HSPG2: variants seen among roughly 807,000 people sequenced by gnomAD.
HSPG2 encodes heparan sulfate proteoglycan 2.
A neutral mutation model predicts 526.6 loss-of-function variants in HSPG2; 278 were observed. That is an observed-to-expected ratio of 0.53 (90% confidence interval 0.48 to 0.58). The LOEUF (loss-of-function observed/expected upper bound fraction) is 0.58. HSPG2 is among the 20% of genes least tolerant of loss of function. The probability of loss-of-function intolerance (pLI) is 0.00; values close to 1 mark genes in which losing one functional copy is unlikely to be tolerated. For missense variants in HSPG2, 5,354 were observed against 6,099.5 expected (o/e 0.88, Z 4.07); for synonymous variants, 2,465 against 2,555.4 (o/e 0.96, Z 1.07).
chr1:21,880,071 TATTTTAGTGTTC>T, intron 17 of HSPG2, 24 bp downstream of exon 17: 1 of 1,612,300 alleles, frequency 6.2e-7, no homozygotes, highest in Non-Finnish European at 8.5e-7. Context: ...TCCCTTCTCC[TATTTTAGTGTTC>T]AAGTGTCTGC....
At chr1:21,896,346 C>T (rs775460428) in intron 1 of HSPG2, 36 bp from the exon 2 acceptor site, 2 of 1,607,382 alleles carry the variant, frequency 1.2e-6, no homozygotes, top group East Asian at 4.5e-5. Context: ...GTCACTCTCT[C>T]CAGCTCCCAC....
At position 21,884,895 on chromosome 1, in the gene HSPG2, C is replaced by A. The variant is rs777415729; in HGVS notation, c.1379G>T (p.Gly460Val). The A allele has an allele frequency of 1.3e-5, 21 of 1,613,996 alleles. No individual in the cohort carries two copies. Among genetic ancestry groups the A allele is most frequent in the Non-Finnish European group, 1.8e-5 (21 of 1,180,022 alleles). Residue 460 changes from glycine (G) to valine (V), a missense_variant, in exon 12 of 97, where the codon GGC becomes GTC. Coordinates refer to ENST00000374695, the MANE Select transcript of HSPG2 (RefSeq NM_005529.7). ...HPRVTVTSEGGRGTLIIRDVK... is the reference protein window; with the variant it reads ...HPRVTVTSEGVRGTLIIRDVK... ...ATCACGGATGATCAGTGTGCCACGG[C>A]CACCCTCGCTGGTCACTGTCACCCT...
Position 21,864,403 on chromosome 1 carries a change from C to T in HSPG2, c.4627-190G>A, listed in dbSNP as rs1410721998. Among the ~76,000 whole-genome samples the T allele has an allele frequency of 6.6e-6, 1 of 152,200 alleles. No homozygotes were observed. Among genetic ancestry groups the T allele is most frequent in the African/African-American group, 2.4e-5 (1 of 41,458 alleles). ...CCCTCTCCCAGTCCACACTGTTCAC[C>T]TCTGGGAGGCATCTCTATGCTGTGC... On this transcript the variant is annotated intron_variant, in intron 36 of 96. Coordinates refer to ENST00000374695, the MANE Select transcript of HSPG2 (RefSeq NM_005529.7). This position sits in a 1 kb window ranked among gnomAD's most constrained non-coding sequence, Gnocchi z 4.8.
intron 69 of HSPG2, 65 bp downstream of exon 69, chr1:21,841,937 A>C: frequency 6.3e-7 from 1 of 1,582,930 alleles, no homozygotes; most frequent in Admixed American, 1.7e-5. Flanking sequence ...ACCCTTGCAC[A>C]GTGGGGATGA....
rs766063621 is a variant in HSPG2, at chr1:21,831,313, C to T, written c.11464G>A (p.Glu3822Lys). The T allele has an allele frequency of 6.2e-7, 1 of 1,614,042 alleles. No individual in the cohort carries two copies. The highest frequency in any genetic ancestry group is 1.3e-5 in the African/African-American group (1 of 75,030). Residue 3822 changes from glutamate to lysine, a missense_variant, in exon 84 of 97, where the codon GAG (glutamate) becomes AAG (lysine). Physicochemically the swap from Glu to Lys is moderately conservative, Grantham distance 56. Transcript: ENST00000374695. Reference sequence around the variant, plus strand: ...ATCTCCTCGCCCTGGATGCGCAGCTCCCGGACACAGCCTGGGAGGTGAGTG... The same window carrying T: ...ATCTCCTCGCCCTGGATGCGCAGCTTCCGGACACAGCCTGGGAGGTGAGTG... ...LSSGFIGCVR[E>K]LRIQGEEIVF...
chr1:21,884,216 C>G (rs150596124), intron 13 of HSPG2, among the ~76,000 whole-genome samples: 9 of 152,126 alleles, frequency 5.9e-5, no homozygotes, highest in African/African-American at 2.2e-4. Context: ...GAAACAGACA[C>G]GAGATAGTGG....
rs755663843 is a variant in HSPG2 at position 21,841,528 on chromosome 1, C to T, written c.9328+11G>A. 7.4e-6 allele frequency: 12 copies of T among 1,614,078 alleles called. No individual in the cohort carries two copies. The highest frequency in any genetic ancestry group is 4.5e-5 in the East Asian group (2 of 44,900). ...ACAGGGCAGAGCCCCACAGGGTCAA[C>T]GTCCCCTCACCGTGCACACTGAGGT... On this transcript the variant is annotated intron_variant, in intron 70 of 96. Transcript: ENST00000374695.
chr1:21,855,876 T>C lies in HSPG2; in HGVS notation c.5612A>G (p.His1871Arg). 6.2e-7 allele frequency: 1 copy of C among 1,612,278 alleles called. No individual in the cohort carries two copies. The highest frequency in any genetic ancestry group is 8.5e-7 in the Non-Finnish European group (1 of 1,179,980). The change falls in exon 45 of 97, where the codon CAT (histidine) becomes CGT (arginine). Residue 1871 changes from histidine (H) to arginine (R), a missense_variant. By Grantham distance (29) the His-to-Arg change is conservative. Coordinates refer to ENST00000374695, the MANE Select transcript of HSPG2 (RefSeq NM_005529.7). ...GGGCTGCACTGTGAGCTGTGGCGGATGGATGGAGACCACGGGGGCGGACAA... is the reference window on the plus strand; with the variant it reads ...GGGCTGCACTGTGAGCTGTGGCGGACGGATGGAGACCACGGGGGCGGACAA... ...GTLSAPVVSI[H>R]PPQLTVQPGQ...
rs200530072 is a variant in HSPG2, at chr1:21,914,365, CA to C, written c.64-18056del. On this transcript the variant is annotated intron_variant, in intron 1 of 96. Coordinates refer to ENST00000374695, the MANE Select transcript of HSPG2 (RefSeq NM_005529.7). ...AGGAAGAGCACCCAGGCACCAGGAGCAGCATCTATAAAGACCCCAGAGGCAG... is the reference window on the plus strand; with the variant it reads ...AGGAAGAGCACCCAGGCACCAGGAGCGCATCTATAAAGACCCCAGAGGCAG... Among the ~76,000 whole-genome samples, 1,127 of 151,886 alleles carry C rather than the reference CA, an allele frequency of 7.4e-3. 14 individuals carry two copies. The highest frequency in any genetic ancestry group is 0.026 in the African/African-American group (1,059 of 41,434).
chr1:21,880,897 G>A lies in HSPG2; in HGVS notation c.1819-62C>T, dbSNP rs901740278. ...GGCACACTTGACACCTCGTGCCTAT[G>A]AGGTGCCTATAGTCTTCCAGCTCCT... On this transcript the variant is annotated intron_variant, in intron 14 of 96. Coordinates refer to ENST00000374695, the MANE Select transcript of HSPG2 (RefSeq NM_005529.7). 29 of 1,483,864 alleles carry A rather than the reference G, an allele frequency of 2.0e-5. No individual in the cohort carries two copies. The African/African-American group carries it at 3.9e-4, about 20-fold the overall frequency. 91.9% of individuals were successfully genotyped at this position (1,483,864 alleles called of 1,614,324 possible). A position where few individuals can be genotyped will look rare whatever the true frequency, so the allele number is the denominator to read the frequency against.
intron 1 of HSPG2, among the ~76,000 whole-genome samples, chr1:21,931,985 G>C (rs1256825932): frequency 6.6e-6 from 1 of 152,162 alleles, no homozygotes; most frequent in African/African-American, 2.4e-5. Flanking sequence ...AAAGTCCCTG[G>C]ATAAATTCAA....
rs1239293066 is a variant in HSPG2 at position 21,853,755 on chromosome 1, ATAAAAT to A, written c.6439+432_6439+437del. 1.1e-3 allele frequency: 151 copies of A among 143,248 alleles called. 4 individuals are homozygous for A. Among genetic ancestry groups the A allele is most frequent in the South Asian group, 3.6e-3 (23 of 6,446 alleles). 8.9% of individuals were successfully genotyped at this position (143,248 alleles called of 1,614,324 possible). A position where few individuals can be genotyped will look rare whatever the true frequency, so the allele number is the denominator to read the frequency against. ...CAGAGCGAGACTCTCTCTCAAAAAA[ATAAAAT>A]AAAATAAAATAAAATAAAATAAAAT... is the stretch of plus-strand genomic sequence containing the variant. On this transcript the variant is annotated intron_variant, in intron 50 of 96. Coordinates refer to ENST00000374695, the MANE Select transcript of HSPG2 (RefSeq NM_005529.7).
intron 39 of HSPG2, among the ~76,000 whole-genome samples, chr1:21,861,089 A>G (rs1449324696): frequency 6.6e-6 from 1 of 152,186 alleles, no homozygotes; most frequent in Non-Finnish European, 1.5e-5. Context: ...ACATTTGCAC[A>G]ATTACTTTTT....
In HSPG2 at chr1:21,859,964, G is replaced by A. The variant is rs751582430; in HGVS notation, c.5053C>T (p.Arg1685Ter). 3.7e-6 allele frequency: 6 copies of A among 1,610,974 alleles called. No homozygotes were observed. The highest frequency in any genetic ancestry group is 1.7e-5 in the Admixed American group (1 of 59,872). Reference sequence around the variant, plus strand: ...GAGCCACCTTGGGGCACTATGCTTCGAGCAGGATGGACCTCGACCACCAGT... The same window carrying A: ...GAGCCACCTTGGGGCACTATGCTTCAAGCAGGATGGACCTCGACCACCAGT... ...APLVVEVHPA[R>*]SIVPQGGSHS... is the part of the protein sequence containing the mutation. The change falls in exon 41 of 97, where the codon CGA becomes TGA. Residue 1685 changes from arginine to a stop codon, truncating the protein, a stop_gained. Transcript: ENST00000374695. LOFTEE classifies it high-confidence loss of function. The surrounding 1 kb of genome is among the most constrained non-coding windows in gnomAD (Gnocchi z 5.3).
chr1:21,831,573 G>A lies in HSPG2; in HGVS notation c.11353-11C>T, dbSNP rs2098004060. The A allele has an allele frequency of 9.9e-6, 16 of 1,613,856 alleles. No individual in the cohort carries two copies. Among genetic ancestry groups the A allele is most frequent in the African/African-American group, 2.7e-5 (2 of 74,898 alleles). On this transcript the variant is annotated splice_polypyrimidine_tract_variant and intron_variant, in intron 82 of 96. Transcript: ENST00000374695. ...GCCCTGGAACTTGCCCTGGGGAGGTGGGGAAGTCAGGAATGGCAACAGAGG... is the reference window on the plus strand; with the variant it reads ...GCCCTGGAACTTGCCCTGGGGAGGTAGGGAAGTCAGGAATGGCAACAGAGG...
At chr1:21,835,720 AC>A in intron 75 of HSPG2, 83 bp from the exon 76 acceptor site, 1 of 1,036,440 alleles carries the variant, frequency 9.6e-7, no homozygotes, top group South Asian at 1.3e-5. Flanking sequence ...GTGGTGGCTC[AC>A]GCCTGTAATC....
At position 21,856,143 on chromosome 1, in the gene HSPG2, G is replaced by C. The variant is rs72866975; in HGVS notation, c.5576-231C>G. Among the ~76,000 whole-genome samples the C allele has an allele frequency of 8.7e-4, 132 of 152,128 alleles. 2 individuals carry two copies. Among genetic ancestry groups the C allele is most frequent in the African/African-American group, 3.1e-3 (128 of 41,492 alleles). ...GAATAAAATCCAAAATTCCTACCCT[G>C]ATCCACCACATACTCCATGCTCTCC... On this transcript the variant is annotated intron_variant, in intron 44 of 96. Coordinates refer to ENST00000374695, the MANE Select transcript of HSPG2 (RefSeq NM_005529.7).
intron 33 of HSPG2, chr1:21,869,390 G>T: frequency 2.1e-6 from 2 of 958,538 alleles, no homozygotes; most frequent in Non-Finnish European, 2.5e-6. Context: ...AGAAATTGGT[G>T]AAGTTGGTTC....
chr1:21,864,719 G>A lies in HSPG2; in HGVS notation c.4626+124C>T. On this transcript the variant is annotated intron_variant, in intron 36 of 96. Coordinates refer to ENST00000374695, the MANE Select transcript of HSPG2 (RefSeq NM_005529.7). The surrounding 1 kb of genome is among the most constrained non-coding windows in gnomAD (Gnocchi z 4.8). ...CTCAGGGCTGTCGGGAGGAATACAT[G>A]CAGGGCCCAGATGCAGGGGTCATTA... 1.2e-6 allele frequency: 1 copy of A among 804,012 alleles called. No homozygotes were observed. The allele number at this position is 804,012 out of a possible 1,614,324, so 49.8% of individuals were successfully genotyped here.
Sources: allele counts gnomAD v4.1 joint callset (sites outside exome capture counted in the v4.1 genomes callset), GRCh38; gene constraint gnomAD v4.1.1; non-coding constraint Gnocchi (gnomAD v3.1); transcripts MANE v1.5; gene names NCBI Gene and HGNC (gene_info 2026-07-23, HGNC 2026-07-21).